The following ARPC4 variants were observed in gnomAD, a reference collection of about 807,000 sequenced individuals.
ARPC4 encodes actin related protein 2/3 complex subunit 4, also known as actin-related protein 2/3 complex subunit 4.
Under a neutral mutation model 22.8 loss-of-function variants are expected in ARPC4, and 3 were observed. The observed-to-expected ratio is 0.13, with a 90% CI of 0.06 to 0.34. The LOEUF is 0.34. Ranked by LOEUF, ARPC4 falls within the 10% of genes least tolerant of loss-of-function variation. The pLI, the probability that ARPC4 is intolerant of heterozygous loss-of-function variation, is 1.00. For missense variants in ARPC4, 98 were observed against 211.0 expected, an observed-to-expected ratio of 0.46 and a Z score of 3.32; for synonymous variants, 80 against 72.5, an observed-to-expected ratio of 1.10 and a Z score of -0.52.
chr3:9,800,613 C>G (rs1159896865), intron 3 of ARPC4, among the ~76,000 whole-genome samples: 1 of 152,038 alleles, frequency 6.6e-6, no homozygotes, highest in Non-Finnish European at 1.5e-5. Context: ...TTAGTAGAGA[C>G]AGAGTTTCAC....
chr3:9,795,080 A>C (rs1410979492), intron 1 of ARPC4, among the ~76,000 whole-genome samples: 1 of 151,866 alleles, frequency 6.6e-6, no homozygotes. Flanking sequence ...ATCTCGGCTC[A>C]CTGCAACCTC....
At chr3:9,796,619 C>T (rs149092947) in intron 1 of ARPC4, among the ~76,000 whole-genome samples, 2 of 152,226 alleles carry the variant, frequency 1.3e-5, no homozygotes, top group African/African-American at 4.8e-5. Flanking sequence ...CTGACCAGTG[C>T]AGCTAGAAGC....
Position 9,796,866 on chromosome 3 carries a change from G to A in ARPC4, c.4-793G>A, listed in dbSNP as rs1025151684. ...TGAGGCAGGAGAAGGGCATGAACCC[G>A]GGAGGTGGAGCTTGCAGTGAGCCGA... On this transcript the variant is annotated intron_variant, in intron 1 of 5. Coordinates refer to ENST00000397261, the MANE Select transcript of ARPC4 (RefSeq NM_005718.5). Among the ~76,000 whole-genome samples the A allele has an allele frequency of 7.3e-5, 11 of 151,034 alleles. No individual in the cohort carries two copies. The East Asian group carries it at 9.8e-4, about 13-fold the overall frequency.
At chr3:9,800,919 G>C (rs536804050) in intron 3 of ARPC4, among the ~76,000 whole-genome samples, 1 of 152,210 alleles carries the variant, frequency 6.6e-6, no homozygotes, top group Non-Finnish European at 1.5e-5. Flanking sequence ...TAGAAATGTT[G>C]AGAGTTCAGG....
At chr3:9,799,176 T>G (rs934236692) in intron 2 of ARPC4, among the ~76,000 whole-genome samples, 1 of 152,180 alleles carries the variant, frequency 6.6e-6, no homozygotes, top group Non-Finnish European at 1.5e-5. Flanking sequence ...ATGAATCATT[T>G]CTGGATTGAT....
At chr3:9,795,234 AGGT>A (rs2078857223) in intron 1 of ARPC4, among the ~76,000 whole-genome samples, 1 of 151,992 alleles carries the variant, frequency 6.6e-6, no homozygotes, top group Non-Finnish European at 1.5e-5. Flanking sequence ...TCCTGACCTG[AGGT>A]GGTCCACCCA....
chr3:9,792,848 A>G, upstream of ARPC4: 2 of 1,366,032 alleles, frequency 1.5e-6, no homozygotes, highest in South Asian at 3.5e-5. Context: ...CAAAGGTGAC[A>G]AGAAGGCCGA....
At chr3:9,801,834 C>G in intron 4 of ARPC4, 78 bp downstream of exon 4, 1 of 1,398,632 alleles carries the variant, frequency 7.1e-7, no homozygotes, top group East Asian at 2.6e-5. Context: ...CTAGAACCAG[C>G]TACTCCAGCT....
At chr3:9,801,906 T>C (rs1337958024) in intron 4 of ARPC4, 150 bp downstream of exon 4, 1 of 871,626 alleles carries the variant, frequency 1.1e-6, no homozygotes, top group African/African-American at 1.7e-5. Flanking sequence ...GCAAAGAGGA[T>C]TAGAAGCTTA....
chr3:9,803,701 T>TA (rs2079058314), intron 4 of ARPC4, 142 bp from the exon 5 acceptor site: 7 of 978,730 alleles, frequency 7.2e-6, no homozygotes, highest in Non-Finnish European at 1.1e-5. Flanking sequence ...GGCTGCTGAC[T>TA]GGAAGGGTAT....
chr3:9,801,152 A>G (rs1361447629), intron 3 of ARPC4, among the ~76,000 whole-genome samples: 1 of 134,724 alleles, frequency 7.4e-6, no homozygotes, highest in Non-Finnish European at 1.6e-5. Context: ...CAGAGCTTAC[A>G]GTGAGTCAAA....
At chr3:9,794,682 TAAA>T (rs572733613) in intron 1 of ARPC4, among the ~76,000 whole-genome samples, 5 of 147,358 alleles carry the variant, frequency 3.4e-5, no homozygotes, top group Non-Finnish European at 4.5e-5. Context: ...TCCCGTGTCT[TAAA>T]AAAAAAAAGT....
chr3:9,798,567 G>C (rs1385422460), intron 2 of ARPC4, among the ~76,000 whole-genome samples: 13 of 151,212 alleles, frequency 8.6e-5, no homozygotes, highest in Admixed American at 8.6e-4. Flanking sequence ...GCCTGGGTGA[G>C]ACCCTGTCTC....
intron 1 of ARPC4, among the ~76,000 whole-genome samples, chr3:9,796,668 G>C (rs979642357): frequency 7.2e-5 from 11 of 151,972 alleles, no homozygotes; most frequent in African/African-American, 2.7e-4. Context: ...CTGGCAGGGT[G>C]TGGTGGCTCA....
chr3:9,796,589 G>T (rs1214152542), intron 1 of ARPC4, among the ~76,000 whole-genome samples: 1 of 152,156 alleles, frequency 6.6e-6, no homozygotes, highest in Non-Finnish European at 1.5e-5. Flanking sequence ...AGGTGGGAAA[G>T]AATTTGGCTG....
intron 1 of ARPC4, among the ~76,000 whole-genome samples, chr3:9,796,668 G>A (rs979642357): frequency 4.6e-5 from 7 of 151,972 alleles, no homozygotes; most frequent in Non-Finnish European, 1.0e-4. Context: ...CTGGCAGGGT[G>A]TGGTGGCTCA....
At chr3:9,796,884 T>C (rs936235842) in intron 1 of ARPC4, among the ~76,000 whole-genome samples, 3 of 139,492 alleles carry the variant, frequency 2.2e-5, no homozygotes, top group African/African-American at 8.2e-5. Flanking sequence ...GAGCTTGCAG[T>C]GAGCCGAGAT....
rs1164555601 is a variant in ARPC4, at chr3:9,803,926, C to T, written c.414C>T (p.Phe138=). 7 of 1,614,232 alleles carry T rather than the reference C, an allele frequency of 4.3e-6. No individual in the cohort carries two copies. The highest frequency in any genetic ancestry group is 5.9e-6 in the Non-Finnish European group (7 of 1,180,032). The change falls in exon 5 of 6, where the codon TTC becomes TTT. Residue 138 remains phenylalanine (F), a synonymous_variant. Transcript: ENST00000397261. ...KHKLVDFVIH[F]MEEIDKEISE... ...AGTTGGTGGACTTTGTGATCCACTT[C>T]ATGGAGGAGATTGACAAGGAGATCA...
Position 9,793,082 on chromosome 3 carries a change from A to G in ARPC4, c.-40A>G. 7 of 1,545,566 alleles carry G rather than the reference A, an allele frequency of 4.5e-6. No homozygotes were observed. The highest frequency in any genetic ancestry group is 5.2e-6 in the Non-Finnish European group (6 of 1,145,594). ...AAGGGCAGGCATCGCGGGGCTGGCC[A>G]CTTCCGTACTTCCGCTTTCCGGCCC... On this transcript the variant is annotated 5_prime_UTR_variant, in exon 1 of 6. Coordinates refer to ENST00000397261, the MANE Select transcript of ARPC4 (RefSeq NM_005718.5).
Sources: allele counts gnomAD v4.1 joint callset (sites outside exome capture counted in the v4.1 genomes callset), GRCh38; gene constraint gnomAD v4.1.1; transcripts MANE v1.5; gene names NCBI Gene and HGNC (gene_info 2026-07-23, HGNC 2026-07-21).